The following PRRC2C variants were observed in gnomAD, a reference collection of about 807,000 sequenced individuals.
PRRC2C encodes protein PRRC2C.
PRRC2C carries 72 observed loss-of-function variants against 317.2 expected under a neutral mutation model. That is an observed-to-expected ratio of 0.23 (90% CI 0.19 to 0.28). The LOEUF is 0.28. Ranked by LOEUF, PRRC2C falls within the 10% of genes least tolerant of loss-of-function variation. PRRC2C has a pLI of 1.00. For synonymous variants in PRRC2C, 1,296 were observed against 1,205.9 expected (o/e 1.07, Z -1.55); for missense variants, 3,074 against 3,459.7 (o/e 0.89, Z 2.80).
chr1:171,519,582 TA>T (rs562932513), intron 6 of PRRC2C, among the ~76,000 whole-genome samples: 69 of 151,764 alleles, frequency 4.5e-4, no homozygotes, highest in African/African-American at 1.6e-3. Flanking sequence ...CCACATTTTC[TA>T]AATTATTAGT....
chr1:171,511,642 G>C (rs1671414577), intron 1 of PRRC2C: 1 of 153,472 alleles, frequency 6.5e-6, no homozygotes, highest in Non-Finnish European at 1.5e-5. Flanking sequence ...TAATATGTAG[G>C]GGAATGAAGA....
Position 171,536,590 on chromosome 1 carries a change from AAT to A in PRRC2C, c.2293+313_2293+314del, listed in dbSNP as rs1676882584. Among the ~76,000 whole-genome samples the A allele has an allele frequency of 2.0e-5, 3 of 152,114 alleles. No individual in the cohort carries two copies. In the South Asian group the frequency reaches 6.2e-4, roughly 32 times the overall value. ...TTCTTTAAAGTGTTTTCAGCGTTTG[AAT>A]TTTGTCCATATGTTATATATATTCC... On this transcript the variant is annotated intron_variant, in intron 14 of 34. Coordinates refer to ENST00000647382, the MANE Select transcript of PRRC2C (RefSeq NM_001387844.1).
chr1:171,512,978 A>T lies in PRRC2C; in HGVS notation c.113-17A>T. The T allele has an allele frequency of 6.3e-7, 1 of 1,585,452 alleles. No homozygotes were observed. Among genetic ancestry groups the T allele is most frequent in the Non-Finnish European group, 8.6e-7 (1 of 1,167,166 alleles). On this transcript the variant is annotated splice_polypyrimidine_tract_variant and intron_variant, in intron 2 of 34. Coordinates refer to ENST00000647382, the MANE Select transcript of PRRC2C (RefSeq NM_001387844.1). ...TAAAATAGATGTTCTAAGAAAGTTG[A>T]TGTTATTGATCTTTAGTTGCAGCTC... is the stretch of plus-strand genomic sequence containing the variant.
At chr1:171,551,505 C>T (rs1680238134) in intron 18 of PRRC2C, among the ~76,000 whole-genome samples, 1 of 152,162 alleles carries the variant, frequency 6.6e-6, no homozygotes, top group South Asian at 2.1e-4. Context: ...GTTGCCATTG[C>T]TTTTGGTATT....
At position 171,560,891 on chromosome 1, in the gene PRRC2C, A is replaced by T. The variant is rs1236059277; in HGVS notation, c.6032-127A>T. The T allele has an allele frequency of 3.8e-6, 3 of 789,866 alleles. No individual in the cohort carries two copies. The South Asian group carries it at 4.3e-5, about 11-fold the overall frequency. The allele number at this position is 789,866 out of a possible 1,614,324, so 48.9% of individuals were successfully genotyped here. A position where few individuals can be genotyped will look rare whatever the true frequency, so the allele number is the denominator to read the frequency against. ...TAATAATCTTTGTAAGTCTGATTTGAAAAGTGATTGTTTTATTCCCTGGCT... is the reference window on the plus strand; with the variant it reads ...TAATAATCTTTGTAAGTCTGATTTGTAAAGTGATTGTTTTATTCCCTGGCT... On this transcript the variant is annotated intron_variant, in intron 19 of 34. Coordinates refer to ENST00000647382, the MANE Select transcript of PRRC2C (RefSeq NM_001387844.1).
intron 26 of PRRC2C, among the ~76,000 whole-genome samples, chr1:171,578,966 A>C (rs1647871522): frequency 6.6e-6 from 1 of 152,262 alleles, no homozygotes; most frequent in African/African-American, 2.4e-5. Context: ...ATTAAATGTC[A>C]ATCCTCTAAA....
Position 171,545,887 on chromosome 1 carries a change from G to A in PRRC2C, c.4972+200G>A, listed in dbSNP as rs147435070. On this transcript the variant is annotated intron_variant, in intron 17 of 34. Transcript: ENST00000647382. ...AACTAAAATAACTCCAGCTTTTAGC[G>A]TAGCCTTGAATGCTTAATAAAATTT... is the stretch of plus-strand genomic sequence containing the variant. 2.8e-3 allele frequency among the ~76,000 whole-genome samples: 431 copies of A among 152,148 alleles called. 1 individual carries two copies. Among genetic ancestry groups the A allele is most frequent in the African/African-American group, 9.9e-3 (413 of 41,520 alleles).
In PRRC2C at chr1:171,532,631, C is replaced by T. The variant is rs964739989; in HGVS notation, c.1543C>T (p.Arg515Trp). ...TAGGGAAAGGGAGCGAGAAAAAGAA[C>T]GGGAGCGTGAGAAAGAACTTGAAAA... Reference protein sequence around the residue: ...EIREREREKEREREKELEKEQ... With the variant: ...EIREREREKEWEREKELEKEQ... Residue 515 changes from arginine to tryptophan, a missense_variant, in exon 12 of 35, where the codon CGG (arginine) becomes TGG (tryptophan). Coordinates refer to ENST00000647382, the MANE Select transcript of PRRC2C (RefSeq NM_001387844.1). 1.4e-5 allele frequency: 22 copies of T among 1,551,482 alleles called. No individual in the cohort carries two copies. Among genetic ancestry groups the T allele is most frequent in the Admixed American group, 7.9e-5 (4 of 50,900 alleles).
rs555688256 is a variant in PRRC2C, at chr1:171,568,053, C to T, written c.6559-194C>T. Among the ~76,000 whole-genome samples the T allele has an allele frequency of 3.3e-5, 5 of 152,168 alleles. No homozygotes were observed. The South Asian group carries it at 6.2e-4, about 19-fold the overall frequency. On this transcript the variant is annotated intron_variant, in intron 22 of 34. Coordinates refer to ENST00000647382, the MANE Select transcript of PRRC2C (RefSeq NM_001387844.1). The stretch of plus-strand genomic sequence containing the variant: ...AATACAAAAATTAATGTCATGGTGG[C>T]GCACGCCTGTAATCCCAGCTACTTC...
At chr1:171,485,925 G>A (rs1194365877) in intron 1 of PRRC2C, among the ~76,000 whole-genome samples, 190 bp downstream of exon 1, 1 of 151,960 alleles carries the variant, frequency 6.6e-6, no homozygotes, top group Non-Finnish European at 1.5e-5. Flanking sequence ...TGGGGAAGTC[G>A]GCCTCCAGCT....
At chr1:171,580,645 T>G (rs1648355603) in intron 28 of PRRC2C, among the ~76,000 whole-genome samples, 1 of 152,170 alleles carries the variant, frequency 6.6e-6, no homozygotes, top group Admixed American at 6.5e-5. Flanking sequence ...GGTGAGGCTT[T>G]TTTTGTTTTG....
chr1:171,557,385 C>G lies in PRRC2C; in HGVS notation c.5273C>G (p.Pro1758Arg). ...CCTCTAGCTTCGGCTCCACTTCCAC[C>G]TTCAACCTCAGCTTCAGTTCCAGCC... ...VPPLASAPLP[P>R]STSASVPAST... Residue 1758 changes from proline to arginine, a missense_variant, in exon 19 of 35, where the codon CCT (proline) becomes CGT (arginine). Physicochemically the swap from Pro to Arg is moderately radical, Grantham distance 103. Coordinates refer to ENST00000647382, the MANE Select transcript of PRRC2C (RefSeq NM_001387844.1). 6.4e-7 allele frequency: 1 copy of G among 1,551,762 alleles called. No homozygotes were observed. The highest frequency in any genetic ancestry group is 1.2e-5 in the South Asian group (1 of 84,066).
At position 171,571,352 on chromosome 1, in the gene PRRC2C, G is replaced by C. The variant is rs1684741790; in HGVS notation, c.6684G>C (p.Lys2228Asn). Residue 2228 changes from lysine (K) to asparagine (N), a missense_variant, in exon 24 of 35, where the codon AAG becomes AAC. Coordinates refer to ENST00000647382, the MANE Select transcript of PRRC2C (RefSeq NM_001387844.1). ...VPLPNTLPLP[K>N]RETIQQSSSL... ...TGCCCAACACCCTTCCCCTCCCTAAGAGGGAGACTATACAACAGAGCTCCA... is the reference window on the plus strand; with the variant it reads ...TGCCCAACACCCTTCCCCTCCCTAACAGGGAGACTATACAACAGAGCTCCA... 1.2e-6 allele frequency: 2 copies of C among 1,612,112 alleles called. No individual in the cohort carries two copies. The highest frequency in any genetic ancestry group is 3.3e-5 in the Admixed American group (2 of 60,014).
At chr1:171,513,771 T>C (rs1206487966) in intron 3 of PRRC2C, among the ~76,000 whole-genome samples, 1 of 152,194 alleles carries the variant, frequency 6.6e-6, no homozygotes, top group Non-Finnish European at 1.5e-5. Context: ...ATACTTGATG[T>C]TTTCTTGCCT....
intron 23 of PRRC2C, 50 bp downstream of exon 23, chr1:171,568,389 T>C: frequency 1.3e-6 from 2 of 1,552,936 alleles, no homozygotes; most frequent in Non-Finnish European, 1.7e-6. Context: ...ACCTGGCTAT[T>C]ATTATCAAGC....
At position 171,557,218 on chromosome 1, in the gene PRRC2C, T is replaced by C. The variant is rs77377470; in HGVS notation, c.5128-22T>C. ...CATTCAGCTGCATTATTGACAAAAA[T>C]GGTCCCCGTTAATTTTTTAAGGTCT... is the stretch of plus-strand genomic sequence containing the variant. On this transcript the variant is annotated intron_variant, in intron 18 of 34. Coordinates refer to ENST00000647382, the MANE Select transcript of PRRC2C (RefSeq NM_001387844.1). 1.2e-3 allele frequency: 1,813 copies of C among 1,520,252 alleles called. 28 individuals are homozygous for C. The East Asian group carries it at 0.031, about 26-fold the overall frequency. The allele number at this position is 1,520,252 out of a possible 1,614,324, so 94.2% of individuals were successfully genotyped here.
Position 171,541,422 on chromosome 1 carries a change from T to G in PRRC2C, c.3956T>G (p.Leu1319Arg). The G allele has an allele frequency of 3.7e-6, 6 of 1,613,908 alleles. No homozygotes were observed. The highest frequency in any genetic ancestry group is 5.1e-6 in the Non-Finnish European group (6 of 1,179,846). ...AATCATGTTCGAATAGATAATAGAC[T>G]GCTAGAAAAGCCTTATGTAAGGGAT... ...PDNHVRIDNR[L>R]LEKPYVRDDD... The change falls in exon 16 of 35, where the codon CTG (leucine) becomes CGG (arginine). Residue 1319 changes from leucine (L) to arginine (R), a missense_variant. Transcript: ENST00000647382. The surrounding 1 kb of genome is among the most constrained non-coding windows in gnomAD (Gnocchi z 4.1).
Position 171,566,073 on chromosome 1 carries a change from C to T in PRRC2C, c.6118-160C>T, listed in dbSNP as rs557579730. Among the ~76,000 whole-genome samples, 5 of 152,240 alleles carry T rather than the reference C, an allele frequency of 3.3e-5. No individual in the cohort carries two copies. In the East Asian group the frequency reaches 9.6e-4, roughly 29 times the overall value. On this transcript the variant is annotated intron_variant, in intron 20 of 34. Coordinates refer to ENST00000647382, the MANE Select transcript of PRRC2C (RefSeq NM_001387844.1). ...GTTGTTTTCTAGTACAGACAAACAA[C>T]AGTTAAGAGAAAATTATCCTAAAAT...
intron 16 of PRRC2C, among the ~76,000 whole-genome samples, chr1:171,544,355 C>G (rs770317621): frequency 2.6e-5 from 4 of 152,134 alleles, no homozygotes; most frequent in Non-Finnish European, 4.4e-5. Context: ...AACTCCTGAC[C>G]TCAGGTGATC....
Sources: gnomAD v4.1 joint callset for allele counts (sites outside exome capture counted in the v4.1 genomes callset) on GRCh38, gnomAD v4.1.1 for gene constraint, Gnocchi (gnomAD v3.1) non-coding constraint, MANE v1.5 for transcripts, NCBI Gene and HGNC (gene_info 2026-07-23, HGNC 2026-07-21) for gene names.